Variants in GADL1 observed in about 807,000 individuals in gnomAD.
The protein encoded by GADL1 is acidic amino acid decarboxylase GADL1.
In GADL1, 71 loss-of-function variants were observed where a neutral mutation model predicts 69.5. That is an observed-to-expected ratio of 1.02 (90% CI 0.84 to 1.25). The LOEUF is 1.25. GADL1 is among the 50% of genes most tolerant of loss of function. The pLI, the probability that GADL1 is intolerant of heterozygous loss-of-function variation, is 0.00. For synonymous variants in GADL1, 254 were observed against 214.4 expected (o/e 1.18, Z -1.62); for missense variants, 737 against 631.8 (o/e 1.17, Z -1.79).
At chr3:30,859,438 C>T (rs1190347640) in intron 2 of GADL1, among the ~76,000 whole-genome samples, 1 of 151,698 alleles carries the variant, frequency 6.6e-6, no homozygotes, top group South Asian at 2.1e-4. Flanking sequence ...AAATACTATT[C>T]CATCAACATG....
chr3:30,745,294 G>T (rs970974158), intron 14 of GADL1, among the ~76,000 whole-genome samples: 4 of 152,144 alleles, frequency 2.6e-5, no homozygotes, highest in Non-Finnish European at 5.9e-5. Flanking sequence ...GTCGACATTT[G>T]CCGAGCAATT....
At chr3:30,893,774 C>T (rs954692893) in intron 1 of GADL1, among the ~76,000 whole-genome samples, 2 of 152,100 alleles carry the variant, frequency 1.3e-5, no homozygotes, top group African/African-American at 4.8e-5. Context: ...ATGACTGATC[C>T]GCAGGGGACC....
chr3:30,882,047 C>G (rs982794231), intron 1 of GADL1, among the ~76,000 whole-genome samples: 13 of 151,850 alleles, frequency 8.6e-5, no homozygotes, highest in Non-Finnish European at 1.5e-4. Flanking sequence ...CTGTGGTATT[C>G]TGTTATAGCA....
intron 14 of GADL1, among the ~76,000 whole-genome samples, chr3:30,760,027 C>A (rs148654818): frequency 6.6e-6 from 1 of 152,156 alleles, no homozygotes; most frequent in Non-Finnish European, 1.5e-5. Context: ...TTTTTACCTG[C>A]AGATTCATGA....
chr3:30,781,478 CCAG>C (rs1696664100), intron 13 of GADL1, among the ~76,000 whole-genome samples: 1 of 152,066 alleles, frequency 6.6e-6, no homozygotes, highest in South Asian at 2.1e-4. Flanking sequence ...AATGCAGAAT[CCAG>C]CACACAGATT....
At chr3:30,755,262 T>TC (rs1461040332) in intron 14 of GADL1, among the ~76,000 whole-genome samples, 4 of 148,986 alleles carry the variant, frequency 2.7e-5, no homozygotes, top group Admixed American at 6.6e-5. Context: ...CAAAGATGTT[T>TC]ACATGGTGAA....
intron 1 of GADL1, among the ~76,000 whole-genome samples, chr3:30,890,374 A>T (rs1421404812): frequency 6.6e-6 from 1 of 152,204 alleles, no homozygotes; most frequent in Non-Finnish European, 1.5e-5. Flanking sequence ...CCTCATAGAC[A>T]TCAGGGAAGA....
At chr3:30,732,581 C>T (rs1459681468) in intron 14 of GADL1, among the ~76,000 whole-genome samples, 1 of 151,906 alleles carries the variant, frequency 6.6e-6, no homozygotes, top group East Asian at 1.9e-4. Context: ...TGCTTAAACC[C>T]AAGGAAAAAT....
In GADL1 at chr3:30,838,885, C is replaced by G; in HGVS notation, c.903+112G>C. 4.9e-6 allele frequency: 3 copies of G among 614,742 alleles called. No individual in the cohort carries two copies. In the South Asian group the frequency reaches 6.8e-5, roughly 14 times the overall value. The allele number at this position is 614,742 out of a possible 1,614,324, so 38.1% of individuals were successfully genotyped here. ...TACTTATTTCCCCCAATTTGAGACACAAACAAAAGCGTTGGGGACTCCACA... is the reference window on the plus strand; with the variant it reads ...TACTTATTTCCCCCAATTTGAGACAGAAACAAAAGCGTTGGGGACTCCACA... On this transcript the variant is annotated intron_variant, in intron 9 of 14. Transcript: ENST00000282538.
chr3:30,767,275 TAAA>T (rs1243274931), intron 14 of GADL1, among the ~76,000 whole-genome samples: 2 of 152,116 alleles, frequency 1.3e-5, no homozygotes, highest in Non-Finnish European at 2.9e-5. Context: ...CTTTTTAACT[TAAA>T]GAGTTCTAAA....
intron 14 of GADL1, among the ~76,000 whole-genome samples, chr3:30,728,786 G>T (rs1488231387): frequency 1.3e-5 from 2 of 152,012 alleles, no homozygotes; most frequent in East Asian, 1.9e-4. Context: ...AACAAATCAG[G>T]TGTCCACAGG....
chr3:30,731,099 T>C (rs758399189), intron 14 of GADL1, among the ~76,000 whole-genome samples: 6 of 152,178 alleles, frequency 3.9e-5, no homozygotes, highest in Non-Finnish European at 8.8e-5. Flanking sequence ...TGAATCAAGA[T>C]TGGGAAGACC....
chr3:30,818,570 G>A (rs1697516142), intron 11 of GADL1, among the ~76,000 whole-genome samples: 1 of 151,952 alleles, frequency 6.6e-6, no homozygotes, highest in South Asian at 2.1e-4. Flanking sequence ...CTGCTGAGAA[G>A]AGTTGCCAGT....
intron 11 of GADL1, among the ~76,000 whole-genome samples, chr3:30,809,079 C>T (rs1697309241): frequency 6.6e-6 from 1 of 152,196 alleles, no homozygotes; most frequent in South Asian, 2.1e-4. Context: ...AGCCAGGACT[C>T]ATTTCCTGAG....
At chr3:30,858,357 G>T (rs1215756800) in intron 2 of GADL1, among the ~76,000 whole-genome samples, 1 of 152,064 alleles carries the variant, frequency 6.6e-6, no homozygotes, top group Non-Finnish European at 1.5e-5. Context: ...TCATATTTGT[G>T]TTTGGGGCAA....
intron 14 of GADL1, among the ~76,000 whole-genome samples, chr3:30,769,322 G>A (rs1239583282): frequency 2.6e-5 from 4 of 151,682 alleles, no homozygotes; most frequent in Admixed American, 6.5e-5. Flanking sequence ...CATGGTGACA[G>A]TGCTGTATCC....
chr3:30,732,576 A>C (rs1209912562), intron 14 of GADL1, among the ~76,000 whole-genome samples: 1 of 152,142 alleles, frequency 6.6e-6, no homozygotes, highest in African/African-American at 2.4e-5. Context: ...AAAGTTGCTT[A>C]AACCCAAGGA....
intron 3 of GADL1, 94 bp downstream of exon 3, chr3:30,856,921 T>C: frequency 1.0e-6 from 1 of 998,498 alleles, no homozygotes; most frequent in Non-Finnish European, 1.4e-6. Context: ...AGATTTCTCG[T>C]TCCATAAGCA....
chr3:30,805,091 A>T (rs1239788631), intron 11 of GADL1, among the ~76,000 whole-genome samples: 1 of 152,204 alleles, frequency 6.6e-6, no homozygotes, highest in South Asian at 2.1e-4. Context: ...CATAATAATG[A>T]CCAGAGCTAA....
Sources: gnomAD v4.1 joint callset for allele counts (sites outside exome capture counted in the v4.1 genomes callset) on GRCh38, gnomAD v4.1.1 for gene constraint, MANE v1.5 for transcripts, NCBI Gene and HGNC (gene_info 2026-07-23, HGNC 2026-07-21) for gene names.